USP2: variants seen among roughly 807,000 people sequenced by gnomAD.
The protein encoded by USP2 is ubiquitin carboxyl-terminal hydrolase 2.
In USP2, 33 loss-of-function variants were observed where a neutral mutation model predicts 72.0. The ratio of observed to expected loss-of-function variants is 0.46; its 90% confidence interval spans 0.35 to 0.61. The LOEUF is 0.61. Ranked by LOEUF, USP2 falls within the 20% of genes least tolerant of loss-of-function variation. USP2 has a pLI of 0.01. For synonymous variants in USP2, 296 were observed against 312.5 expected (o/e 0.95, Z 0.56); for missense variants, 691 against 797.8 (o/e 0.87, Z 1.61).
At position 119,356,636 on chromosome 11, in the gene USP2, T is replaced by C. The variant is rs886064072; in HGVS notation, c.*199A>G. On this transcript the variant is annotated 3_prime_UTR_variant, in exon 13 of 13. Coordinates refer to ENST00000260187, the MANE Select transcript of USP2 (RefSeq NM_004205.5). ...GGCTCCACGTCCAGGCGATCTTCCCTGCCGGGCCACAGCTCAGGAAAGCCC... is the reference window on the plus strand; with the variant it reads ...GGCTCCACGTCCAGGCGATCTTCCCCGCCGGGCCACAGCTCAGGAAAGCCC... 15 of 579,034 alleles carry C rather than the reference T, an allele frequency of 2.6e-5. No homozygotes were observed. The highest frequency in any genetic ancestry group is 2.3e-4 in the African/African-American group (12 of 51,660). The allele number at this position is 579,034 out of a possible 1,614,324, so 35.9% of individuals were successfully genotyped here.
At chr11:119,364,018 T>G in intron 2 of USP2, 2 of 1,219,270 alleles carry the variant, frequency 1.6e-6, no homozygotes, top group African/African-American at 3.2e-5. Context: ...GCGGCGGGCT[T>G]TGGCCCTCGC....
chr11:119,358,219 G>A lies in USP2; in HGVS notation c.1271C>T (p.Thr424Met), dbSNP rs776799977. Residue 424 changes from threonine to methionine, a missense_variant, in exon 8 of 13, where the codon ACG becomes ATG. Transcript: ENST00000260187. ...LFVGQLKSSL[T>M]CTDCGYCSTV... The stretch of plus-strand genomic sequence containing the variant: ...AGAACAGTAACCACAATCTGTACAC[G>A]TCAGCGAGCTCTTTAGCTGCCCAAC... 14 of 1,613,564 alleles carry A rather than the reference G, an allele frequency of 8.7e-6. No individual in the cohort carries two copies. The highest frequency in any genetic ancestry group is 5.3e-5 in the African/African-American group (4 of 74,910).
intron 2 of USP2, among the ~76,000 whole-genome samples, chr11:119,371,075 C>A (rs1039708585): frequency 6.6e-6 from 1 of 152,118 alleles, no homozygotes; most frequent in Non-Finnish European, 1.5e-5. Flanking sequence ...ACCCAAAGAG[C>A]TTGTGGAAAG....
chr11:119,381,498 G>A lies in USP2; in HGVS notation c.-67C>T, dbSNP rs184925700. 2.0e-6 allele frequency: 3 copies of A among 1,536,190 alleles called. No homozygotes were observed. Among genetic ancestry groups the A allele is most frequent in the Non-Finnish European group, 1.7e-6 (2 of 1,146,914 alleles). On this transcript the variant is annotated 5_prime_UTR_variant, in exon 1 of 13. Coordinates refer to ENST00000260187, the MANE Select transcript of USP2 (RefSeq NM_004205.5). ...CTGCCTCTTCTTGGAGTATGGACGAGTCGAACCGGGCACAAGCATGGAGCT... is the reference window on the plus strand; with the variant it reads ...CTGCCTCTTCTTGGAGTATGGACGAATCGAACCGGGCACAAGCATGGAGCT...
chr11:119,369,180 G>C (rs1950893932), intron 2 of USP2, among the ~76,000 whole-genome samples: 1 of 152,142 alleles, frequency 6.6e-6, no homozygotes, highest in Admixed American at 6.5e-5. Flanking sequence ...CTCAGGGGAG[G>C]CCCTCATTAT....
chr11:119,375,752 C>A (rs914097208), intron 1 of USP2, among the ~76,000 whole-genome samples: 3 of 152,226 alleles, frequency 2.0e-5, no homozygotes, highest in Non-Finnish European at 4.4e-5. Flanking sequence ...TCTCCCTCTC[C>A]CTCCCCCACA....
intron 2 of USP2, among the ~76,000 whole-genome samples, chr11:119,365,812 C>T (rs1480322783): frequency 6.6e-6 from 1 of 152,162 alleles, no homozygotes; most frequent in African/African-American, 2.4e-5. Context: ...ATCCCAGGCA[C>T]TGGGTTAAGG....
At chr11:119,363,914 G>A in intron 2 of USP2, 10 of 1,329,160 alleles carry the variant, frequency 7.5e-6, no homozygotes, top group Non-Finnish European at 9.7e-6. Flanking sequence ...AGAGGGGAGC[G>A]CGGCCGCAGC....
Position 119,373,533 on chromosome 11 carries a change from G to A in USP2, c.-41-12C>T. On this transcript the variant is annotated splice_polypyrimidine_tract_variant and intron_variant, in intron 1 of 12. Coordinates refer to ENST00000260187, the MANE Select transcript of USP2 (RefSeq NM_004205.5). The stretch of plus-strand genomic sequence containing the variant: ...GGGAGCCTCATGGGCTGAAAGACAA[G>A]GAGTGTAGTTGTCAGAGGGCCCTGC... The A allele has an allele frequency of 6.6e-7, 1 of 1,514,210 alleles. No individual in the cohort carries two copies. Among genetic ancestry groups the A allele is most frequent in the Non-Finnish European group, 8.8e-7 (1 of 1,139,304 alleles). 93.8% of individuals were successfully genotyped at this position (1,514,210 alleles called of 1,614,324 possible).
chr11:119,363,793 G>A, intron 2 of USP2: 1 of 1,321,512 alleles, frequency 7.6e-7, no homozygotes. Context: ...AGAGGCCAGG[G>A]AGAAGGCGGG....
rs1950634821 is a variant in USP2, at chr11:119,355,268, ATTC to A, written c.*1564_*1566del. ...TACAAGGTTCCACTGTACATTAGAC[ATTC>A]TTCTACTCTTGCTTACACAGTAAAC... On this transcript the variant is annotated 3_prime_UTR_variant, in exon 13 of 13. Transcript: ENST00000260187. 1 of 152,246 alleles carries A rather than the reference ATTC, an allele frequency of 6.6e-6. No homozygotes were observed. The highest frequency in any genetic ancestry group is 1.5e-5 in the Non-Finnish European group (1 of 68,046). The allele number at this position is 152,246 out of a possible 1,614,324, so 9.4% of individuals were successfully genotyped here. A position where few individuals can be genotyped will look rare whatever the true frequency, so the allele number is the denominator to read the frequency against.
Position 119,373,052 on chromosome 11 carries a change from T to G in USP2, c.429A>C (p.Gln143His). ...GVTLTQKLDSQSDLARDFSSL... is the reference protein window; with the variant it reads ...GVTLTQKLDSHSDLARDFSSL... Reference sequence around the variant, plus strand: ...TGGAGAAATCCCGGGCCAGGTCTGATTGGCTGTCCAGCTTCTGGGTTAGGG... The same window carrying G: ...TGGAGAAATCCCGGGCCAGGTCTGAGTGGCTGTCCAGCTTCTGGGTTAGGG... The change falls in exon 2 of 13, where the codon CAA (glutamine) becomes CAC (histidine). Residue 143 changes from glutamine to histidine, a missense_variant. Physicochemically the swap from Gln to His is conservative, Grantham distance 24. Transcript: ENST00000260187. 6.2e-7 allele frequency: 1 copy of G among 1,613,948 alleles called. No homozygotes were observed. Among genetic ancestry groups the G allele is most frequent in the Non-Finnish European group, 8.5e-7 (1 of 1,180,020 alleles).
chr11:119,363,941 G>C (rs1452710603), intron 2 of USP2: 2 of 481,432 alleles, frequency 4.2e-6, no homozygotes, highest in South Asian at 1.7e-4. Context: ...GCGAGGGCGG[G>C]AAAGGGGGCG....
intron 7 of USP2, 95 bp downstream of exon 7, chr11:119,358,678 C>T (rs1384739715): frequency 6.9e-7 from 1 of 1,448,068 alleles, no homozygotes; most frequent in African/African-American, 1.4e-5. Flanking sequence ...CAGAAACAGG[C>T]TTCCCCGGGA....
At chr11:119,363,486 C>T (rs1050003809) in intron 2 of USP2, among the ~76,000 whole-genome samples, 3 of 152,112 alleles carry the variant, frequency 2.0e-5, no homozygotes, top group African/African-American at 7.2e-5. Context: ...GGAGGAGTAC[C>T]CCGGCACGGT....
At chr11:119,364,181 G>A in intron 2 of USP2, 3 of 1,185,754 alleles carry the variant, frequency 2.5e-6, no homozygotes, top group African/African-American at 3.2e-5. Context: ...CAACAGCCCG[G>A]GTCCCGGCTC....
rs201371336 is a variant in USP2 at position 119,370,856 on chromosome 11, C to CG, written c.774+1850dup. ...ATTCCCTTCACCTTGGCCCTGGAGC[C>CG]GGGGGGAGGAGCCAGGGTTGTCCCT... On this transcript the variant is annotated intron_variant, in intron 2 of 12. Coordinates refer to ENST00000260187, the MANE Select transcript of USP2 (RefSeq NM_004205.5). Among the ~76,000 whole-genome samples the CG allele has an allele frequency of 6.4e-3, 976 of 152,222 alleles. 7 individuals carry two copies. Among genetic ancestry groups the CG allele is most frequent in the African/African-American group, 0.022 (911 of 41,536 alleles).
At chr11:119,373,599 T>C (rs1259801626) in intron 1 of USP2, 78 bp from the exon 2 acceptor site, 1 of 1,352,078 alleles carries the variant, frequency 7.4e-7, no homozygotes, top group African/African-American at 1.5e-5. Flanking sequence ...CATCCTCAGC[T>C]GGGCCAGAAC....
intron 2 of USP2, chr11:119,363,847 A>T: frequency 1.4e-6 from 2 of 1,383,040 alleles, no homozygotes; most frequent in Non-Finnish European, 1.9e-6. Flanking sequence ...GGGCCCGCGT[A>T]CCTTGGCTTT....
Sources: gnomAD v4.1 joint callset for allele counts (sites outside exome capture counted in the v4.1 genomes callset) on GRCh38, gnomAD v4.1.1 for gene constraint, MANE v1.5 for transcripts, NCBI Gene and HGNC (gene_info 2026-07-23, HGNC 2026-07-21) for gene names.